The following PDE10A variants were observed in gnomAD, a reference collection of about 807,000 sequenced individuals.
The protein encoded by PDE10A is phosphodiesterase 10A, also known as cAMP and cAMP-inhibited cGMP 3',5'-cyclic phosphodiesterase 10A.
In PDE10A, 39 loss-of-function variants were observed where a neutral mutation model predicts 97.7. That is an observed-to-expected ratio of 0.40 (90% CI 0.31 to 0.52). The LOEUF (loss-of-function observed/expected upper bound fraction) is 0.52, where lower values mean the gene tolerates loss of function less well. Ranked by LOEUF, PDE10A falls within the 20% of genes least tolerant of loss-of-function variation. The pLI, the probability that PDE10A is intolerant of heterozygous loss-of-function variation, is 0.56. For synonymous variants in PDE10A, 371 were observed against 376.8 expected (o/e 0.98, Z 0.18); for missense variants, 731 against 1,047.8 (o/e 0.70, Z 4.17).
At chr6:165,427,749 T>C (rs1789268805) in intron 10 of PDE10A, among the ~76,000 whole-genome samples, 1 of 152,142 alleles carries the variant, frequency 6.6e-6, no homozygotes, top group African/African-American at 2.4e-5. Context: ...AGTGTCAGTC[T>C]ACATTATAAC....
At chr6:165,680,352 C>A (rs60428267) in intron 1 of PDE10A, among the ~76,000 whole-genome samples, 2 of 152,106 alleles carry the variant, frequency 1.3e-5, no homozygotes, top group African/African-American at 2.4e-5. Flanking sequence ...GCAACCTCCA[C>A]GGAGGAAACA....
At chr6:165,826,848 A>G (rs1263838066) in intron 1 of PDE10A, among the ~76,000 whole-genome samples, 1 of 151,324 alleles carries the variant, frequency 6.6e-6, no homozygotes, top group African/African-American at 2.4e-5. Context: ...ACACGGAGGG[A>G]CAGGAGGTGG....
intron 1 of PDE10A, among the ~76,000 whole-genome samples, chr6:165,830,479 C>T (rs561732845): frequency 6.6e-6 from 1 of 152,186 alleles, no homozygotes; most frequent in Non-Finnish European, 1.5e-5. Context: ...ATATGAGGAT[C>T]TCGGTGGGGA....
At chr6:165,962,486 G>T (rs1269289791) in intron 1 of PDE10A, among the ~76,000 whole-genome samples, 6 of 152,246 alleles carry the variant, frequency 3.9e-5, no homozygotes, top group African/African-American at 9.6e-5. Context: ...ATTCAGGTGG[G>T]AATGCACATT....
chr6:165,585,637 C>T (rs963549354), intron 1 of PDE10A, among the ~76,000 whole-genome samples: 4 of 152,082 alleles, frequency 2.6e-5, no homozygotes, highest in African/African-American at 9.7e-5. Flanking sequence ...ACTCTCCCTT[C>T]GAGCCTCTGG....
chr6:165,360,948 G>A (rs1783372024), intron 18 of PDE10A, among the ~76,000 whole-genome samples: 1 of 152,078 alleles, frequency 6.6e-6, no homozygotes, highest in Non-Finnish European at 1.5e-5. Flanking sequence ...ATTACTTAAG[G>A]GAAAAAGACA....
intron 1 of PDE10A, among the ~76,000 whole-genome samples, chr6:165,708,414 A>G (rs1022652146): frequency 6.6e-6 from 1 of 151,686 alleles, no homozygotes; most frequent in Non-Finnish European, 1.5e-5. Context: ...CAGGACCCAC[A>G]TTTGCATCTT....
At chr6:165,424,016 C>T (rs1033748576) in intron 10 of PDE10A, among the ~76,000 whole-genome samples, 1 of 152,116 alleles carries the variant, frequency 6.6e-6, no homozygotes, top group Non-Finnish European at 1.5e-5. Flanking sequence ...AGCTTACAAG[C>T]CTTAATTAAA....
At chr6:165,437,902 G>A (rs928668466) in intron 5 of PDE10A, among the ~76,000 whole-genome samples, 20 of 152,122 alleles carry the variant, frequency 1.3e-4, no homozygotes, top group African/African-American at 4.8e-4. Context: ...TTCTAATTGA[G>A]GATCAGTCAC....
intron 1 of PDE10A, among the ~76,000 whole-genome samples, chr6:165,890,409 A>G (rs1054020720): frequency 3.3e-5 from 5 of 152,106 alleles, no homozygotes; most frequent in African/African-American, 9.7e-5. Context: ...ACAATAAATC[A>G]CTGTCTTCCG....
chr6:165,692,400 C>A (rs1259132072), intron 1 of PDE10A, among the ~76,000 whole-genome samples: 3 of 152,188 alleles, frequency 2.0e-5, no homozygotes, highest in African/African-American at 7.2e-5. Context: ...ACACATTGGG[C>A]CCTCCAGCCT....
At chr6:165,692,420 C>T (rs1485600339) in intron 1 of PDE10A, among the ~76,000 whole-genome samples, 2 of 152,178 alleles carry the variant, frequency 1.3e-5, no homozygotes, top group African/African-American at 4.8e-5. Flanking sequence ...TCTGCCCTAC[C>T]ATCGTCATCA....
intron 1 of PDE10A, among the ~76,000 whole-genome samples, chr6:165,808,266 G>C (rs2128466825): frequency 6.6e-6 from 1 of 152,312 alleles, no homozygotes; most frequent in South Asian, 2.1e-4. Flanking sequence ...TTAATGTGAT[G>C]AATTATGTCT....
At chr6:165,680,691 G>A (rs917813765) in intron 1 of PDE10A, among the ~76,000 whole-genome samples, 6 of 152,182 alleles carry the variant, frequency 3.9e-5, no homozygotes, top group Non-Finnish European at 7.3e-5. Flanking sequence ...ATCACTTGAG[G>A]TCAAGCGTTC....
At chr6:165,602,726 C>T (rs1787022741) in intron 1 of PDE10A, among the ~76,000 whole-genome samples, 1 of 152,168 alleles carries the variant, frequency 6.6e-6, no homozygotes, top group Non-Finnish European at 1.5e-5. Flanking sequence ...TCCAGTGGTC[C>T]TAAATCATAC....
At chr6:165,543,616 T>C (rs1408671687) in intron 1 of PDE10A, 48 bp from the exon 2 acceptor site, 20 of 1,462,958 alleles carry the variant, frequency 1.4e-5, no homozygotes, top group Non-Finnish European at 1.8e-5. Flanking sequence ...AACATCCTCA[T>C]ATCAATGAAA....
rs575001369 is a variant in PDE10A at position 165,982,403 on chromosome 6, C to T, written c.-615+5126G>A. ...ATTAATTTAATGTAATAATATACCA[C>T]TTACGTAATTTCCTAACCTAAAACC... On this transcript the variant is annotated intron_variant, in intron 1 of 19. Transcript: ENST00000366882. Among the ~76,000 whole-genome samples, 11 of 152,292 alleles carry T rather than the reference C, an allele frequency of 7.2e-5. No individual in the cohort carries two copies. The South Asian group carries it at 2.1e-3, about 29-fold the overall frequency.
At chr6:165,723,339 C>G (rs754891460) in intron 1 of PDE10A, among the ~76,000 whole-genome samples, 1 of 152,178 alleles carries the variant, frequency 6.6e-6, no homozygotes, top group Non-Finnish European at 1.5e-5. Flanking sequence ...CTTCCTCAGC[C>G]CTTTATTTTC....
intron 2 of PDE10A, among the ~76,000 whole-genome samples, chr6:165,485,437 C>A (rs2128283282): frequency 1.4e-5 from 2 of 139,966 alleles, no homozygotes; most frequent in East Asian, 4.3e-4. Flanking sequence ...GACTGCACTC[C>A]AGCCTGGGTG....
Sources: gnomAD v4.1 joint callset for allele counts (sites outside exome capture counted in the v4.1 genomes callset) on GRCh38, gnomAD v4.1.1 for gene constraint, MANE v1.5 for transcripts, NCBI Gene and HGNC (gene_info 2026-07-23, HGNC 2026-07-21) for gene names.